Variants in KIAA0513 observed in about 807,000 individuals in gnomAD.
KIAA0513 encodes the protein KIAA0513.
In KIAA0513, 39 loss-of-function variants were observed where a neutral mutation model predicts 56.5. That is an observed-to-expected ratio of 0.69 (90% confidence interval 0.53 to 0.90). The LOEUF (loss-of-function observed/expected upper bound fraction) is 0.90, where lower values mean the gene tolerates loss of function less well. KIAA0513 is among the 40% of genes least tolerant of loss of function. The probability of loss-of-function intolerance (pLI) is 0.00; values close to 1 mark genes in which losing one functional copy is unlikely to be tolerated. For synonymous variants in KIAA0513, 268 were observed against 215.6 expected (o/e 1.24, Z -2.13); for missense variants, 591 against 535.2 (o/e 1.10, Z -1.03).
intron 3 of KIAA0513, 29 bp downstream of exon 3, chr16:85,071,911 C>A: frequency 7.2e-7 from 1 of 1,392,054 alleles, no homozygotes; most frequent in Non-Finnish European, 1.0e-6. Context: ...GAAGGATGGG[C>A]GTTTACTCTC....
rs201632176 is a variant in KIAA0513 at position 85,081,273 on chromosome 16, G to A, written c.903-42G>A. On this transcript the variant is annotated intron_variant, in intron 8 of 12. Transcript: ENST00000683363. This position sits in a 1 kb window ranked among gnomAD's most constrained non-coding sequence, Gnocchi z 4.4. ...GGGGCCCACAACCCGTGTCCTCCCC[G>A]CCTCCCCTTGGAGAGAGTGTGACTG... is the stretch of plus-strand genomic sequence containing the variant. 40 of 1,590,844 alleles carry A rather than the reference G, an allele frequency of 2.5e-5. No homozygotes were observed. The East Asian group carries it at 3.1e-4, about 12-fold the overall frequency.
At position 85,078,418 on chromosome 16, in the gene KIAA0513, A is replaced by G; in HGVS notation, c.786A>G (p.Glu262=). 4 of 1,614,054 alleles carry G rather than the reference A, an allele frequency of 2.5e-6. No individual in the cohort carries two copies. The highest frequency in any genetic ancestry group is 2.5e-6 in the Non-Finnish European group (3 of 1,180,012). The part of the protein sequence containing the change: ...LKGPLARRNE[E]DENKPQEKRP... Reference sequence around the variant, plus strand: ...CATTGTGCCTTCTCTCCCTCAGGGAAGACGAGAACAAACCCCAGGAGAAGC... The same window carrying G: ...CATTGTGCCTTCTCTCCCTCAGGGAGGACGAGAACAAACCCCAGGAGAAGC... The change falls in exon 7 of 13, where the codon GAA becomes GAG. Residue 262 remains glutamate, a synonymous_variant. Transcript: ENST00000683363.
chr16:85,063,019 A>G (rs1044128044), intron 1 of KIAA0513, among the ~76,000 whole-genome samples: 5 of 152,128 alleles, frequency 3.3e-5, no homozygotes, highest in Admixed American at 2.0e-4. Flanking sequence ...CCCTGAGCTG[A>G]GGGGTCCGGG....
At chr16:85,029,294 C>A (rs1052875573) in intron 1 of KIAA0513, among the ~76,000 whole-genome samples, 10 of 152,308 alleles carry the variant, frequency 6.6e-5, no homozygotes, top group African/African-American at 2.4e-4. Flanking sequence ...CATCACTAAC[C>A]TCTCTGTGTT....
intron 6 of KIAA0513, 79 bp from the exon 7 acceptor site, chr16:85,078,336 G>A: frequency 6.6e-7 from 1 of 1,507,418 alleles, no homozygotes; most frequent in African/African-American, 1.4e-5. Context: ...TCCCACCTTA[G>A]AAGTGTAGAA....
chr16:85,031,553 A>G (rs535709499), intron 1 of KIAA0513, among the ~76,000 whole-genome samples: 1 of 152,344 alleles, frequency 6.6e-6, no homozygotes, highest in East Asian at 1.9e-4. Flanking sequence ...ACCTTGGTCA[A>G]CTAGGGCAAC....
intron 1 of KIAA0513, among the ~76,000 whole-genome samples, chr16:85,035,096 C>T (rs976845498): frequency 2.0e-5 from 3 of 152,208 alleles, no homozygotes; most frequent in African/African-American, 4.8e-5. Flanking sequence ...TTCCACCTGG[C>T]TGTCAAAATC....
intron 3 of KIAA0513, 149 bp from the exon 4 acceptor site, chr16:85,072,776 G>T (rs947537933): frequency 8.4e-6 from 6 of 717,594 alleles, no homozygotes; most frequent in Non-Finnish European, 1.4e-5. Flanking sequence ...TGGCAGAAGG[G>T]GTGGGTTCTA....
chr16:85,067,404 AG>A lies in KIAA0513; in HGVS notation c.329+8del. On this transcript the variant is annotated splice_donor_5th_base_variant and intron_variant, in intron 2 of 12. Coordinates refer to ENST00000683363, the MANE Select transcript of KIAA0513 (RefSeq NM_001388359.1). Reference sequence around the variant, plus strand: ...TGGAGAAGATCTTCTCTGGAGGGTAAGGGGCCTGTGTGGACGAGACAGCCTG... The same window carrying A: ...TGGAGAAGATCTTCTCTGGAGGGTAAGGGCCTGTGTGGACGAGACAGCCTG... 6.3e-7 allele frequency: 1 copy of A among 1,594,278 alleles called. No individual in the cohort carries two copies. Among genetic ancestry groups the A allele is most frequent in the African/African-American group, 1.3e-5 (1 of 74,928 alleles).
chr16:85,060,664 C>G (rs1027739808), intron 1 of KIAA0513, among the ~76,000 whole-genome samples: 6 of 151,850 alleles, frequency 4.0e-5, no homozygotes, highest in African/African-American at 1.5e-4. Flanking sequence ...CATAGTGAGA[C>G]CTCACCTTTA....
intron 10 of KIAA0513, among the ~76,000 whole-genome samples, chr16:85,086,154 C>G (rs1208597158): frequency 6.6e-6 from 1 of 152,260 alleles, no homozygotes; most frequent in Non-Finnish European, 1.5e-5. Flanking sequence ...CGACGCACCT[C>G]GCTTGGCCCA....
Position 85,081,529 on chromosome 16 carries a change from G to A in KIAA0513, c.980+137G>A. 1.3e-6 allele frequency: 1 copy of A among 784,094 alleles called. No individual in the cohort carries two copies. The highest frequency in any genetic ancestry group is 1.5e-5 in the South Asian group (1 of 65,636). 48.6% of individuals were successfully genotyped at this position (784,094 alleles called of 1,614,324 possible). ...TTTTTCTTCACCCCCTCATGGCCCT[G>A]GTGCCTCGCAAGCTGCCTGAGGGGT... On this transcript the variant is annotated intron_variant, in intron 9 of 12. Transcript: ENST00000683363. The surrounding 1 kb of genome is among the most constrained non-coding windows in gnomAD (Gnocchi z 4.4).
intron 1 of KIAA0513, among the ~76,000 whole-genome samples, chr16:85,049,484 G>A (rs1397984505): frequency 2.6e-5 from 4 of 152,222 alleles, no homozygotes; most frequent in Admixed American, 1.3e-4. Context: ...GGAGGTGATT[G>A]TATCACGGGG....
At chr16:85,042,184 A>T (rs760397032) in intron 1 of KIAA0513, among the ~76,000 whole-genome samples, 13 of 152,232 alleles carry the variant, frequency 8.5e-5, no homozygotes, top group Non-Finnish European at 1.3e-4. Context: ...GCGAAAGCCC[A>T]GCATTTATGG....
chr16:85,041,673 A>C (rs965355274), intron 1 of KIAA0513, among the ~76,000 whole-genome samples: 7 of 152,208 alleles, frequency 4.6e-5, no homozygotes. Flanking sequence ...CAGAGACAGC[A>C]GCTGTCCTCT....
intron 2 of KIAA0513, among the ~76,000 whole-genome samples, chr16:85,070,784 T>C (rs910745756): frequency 6.6e-6 from 1 of 152,226 alleles, no homozygotes; most frequent in Non-Finnish European, 1.5e-5. Flanking sequence ...CTGAGATGGG[T>C]GCGCTTTCTC....
intron 4 of KIAA0513, among the ~76,000 whole-genome samples, chr16:85,074,536 C>T (rs1030374825): frequency 6.6e-6 from 1 of 152,166 alleles, no homozygotes; most frequent in African/African-American, 2.4e-5. Context: ...TTCTCTCTTT[C>T]TCTTTGAACT....
chr16:85,066,659 C>T (rs772605580), intron 1 of KIAA0513, among the ~76,000 whole-genome samples: 9 of 152,102 alleles, frequency 5.9e-5, no homozygotes, highest in Non-Finnish European at 1.2e-4. Context: ...CAGCAGAGGC[C>T]GTGTGCTGAC....
At chr16:85,034,600 G>C (rs150862140) in intron 1 of KIAA0513, among the ~76,000 whole-genome samples, 1 of 152,140 alleles carries the variant, frequency 6.6e-6, no homozygotes, top group African/African-American at 2.4e-5. Flanking sequence ...AGGACTCACC[G>C]GAAGGAAGGC....
Sources: allele counts gnomAD v4.1 joint callset (sites outside exome capture counted in the v4.1 genomes callset), GRCh38; gene constraint gnomAD v4.1.1; non-coding constraint Gnocchi (gnomAD v3.1); transcripts MANE v1.5; gene names NCBI Gene and HGNC (gene_info 2026-07-23, HGNC 2026-07-21).